CSGALNACT1: variants seen among roughly 807,000 people sequenced by gnomAD.
The protein encoded by CSGALNACT1 is chondroitin sulfate N-acetylgalactosaminyltransferase 1.
Under a neutral mutation model 51.0 loss-of-function variants are expected in CSGALNACT1, and 52 were observed. That is an observed-to-expected ratio of 1.02 (90% CI 0.82 to 1.29). The LOEUF (loss-of-function observed/expected upper bound fraction) is 1.29. Among genes scored for constraint, CSGALNACT1 ranks in the 50% most tolerant of loss-of-function variants. CSGALNACT1 has a pLI of 0.00. For synonymous variants in CSGALNACT1, 341 were observed against 254.4 expected, an observed-to-expected ratio of 1.34 and a Z score of -3.24; for missense variants, 935 against 679.2, an observed-to-expected ratio of 1.38 and a Z score of -4.19.
exon 10 of CSGALNACT1, chr8:19,404,626 T>G (rs532782845): frequency 3.0e-6 from 1 of 334,010 alleles, no homozygotes. Context: ...ATATATATTT[T>G]TTTCTCCATT....
chr8:19,698,261 A>G (rs2061680945), intron 1 of CSGALNACT1, among the ~76,000 whole-genome samples: 1 of 152,214 alleles, frequency 6.6e-6, no homozygotes, highest in South Asian at 2.1e-4. Flanking sequence ...TGGCCCCAGA[A>G]CCAACGCTCT....
At chr8:19,525,299 C>T (rs907891900) in intron 3 of CSGALNACT1, among the ~76,000 whole-genome samples, 3 of 152,042 alleles carry the variant, frequency 2.0e-5, no homozygotes, top group Admixed American at 1.3e-4. Context: ...TTTGTTTCTA[C>T]TGGCACTAAA....
intron 1 of CSGALNACT1, among the ~76,000 whole-genome samples, chr8:19,609,297 G>A (rs2051847812): frequency 6.7e-6 from 1 of 149,268 alleles, no homozygotes; most frequent in Admixed American, 6.8e-5. Context: ...CATACAGAAT[G>A]TAAATGGATA....
intron 2 of CSGALNACT1, among the ~76,000 whole-genome samples, chr8:19,591,747 G>T (rs1369684431): frequency 6.7e-6 from 1 of 148,356 alleles, no homozygotes; most frequent in Non-Finnish European, 1.5e-5. Flanking sequence ...AACATAGTGA[G>T]ATTCCTCTCC....
chr8:19,564,947 G>C (rs1477475208), intron 3 of CSGALNACT1, among the ~76,000 whole-genome samples: 1 of 152,222 alleles, frequency 6.6e-6, no homozygotes, highest in African/African-American at 2.4e-5. Flanking sequence ...TGACAAGTGA[G>C]TGAACATATC....
At chr8:19,515,374 G>A (rs962433606) in intron 3 of CSGALNACT1, among the ~76,000 whole-genome samples, 2 of 152,202 alleles carry the variant, frequency 1.3e-5, no homozygotes, top group African/African-American at 4.8e-5. Flanking sequence ...TGCAGACTCA[G>A]AGGGCGTGTT....
At chr8:19,613,534 T>G (rs2052592912) in intron 1 of CSGALNACT1, among the ~76,000 whole-genome samples, 1 of 152,268 alleles carries the variant, frequency 6.6e-6, no homozygotes, top group South Asian at 2.1e-4. Flanking sequence ...TTCCATTGTT[T>G]TGCTAAAGCA....
At chr8:19,718,372 G>C (rs1245387934) in intron 1 of CSGALNACT1, among the ~76,000 whole-genome samples, 1 of 152,050 alleles carries the variant, frequency 6.6e-6, no homozygotes, top group East Asian at 1.9e-4. Flanking sequence ...AAAGTGCTGA[G>C]TTTACAGGCG....
intron 3 of CSGALNACT1, among the ~76,000 whole-genome samples, chr8:19,555,387 G>C (rs2089467223): frequency 6.6e-6 from 1 of 152,116 alleles, no homozygotes; most frequent in South Asian, 2.1e-4. Flanking sequence ...AGGCGAAGGA[G>C]GTAGAGTTTG....
intron 1 of CSGALNACT1, among the ~76,000 whole-genome samples, chr8:19,674,944 T>C (rs959911919): frequency 6.6e-6 from 1 of 152,128 alleles, no homozygotes; most frequent in Admixed American, 6.5e-5. Flanking sequence ...GCATTGCCCA[T>C]CTTGAAGTCG....
chr8:19,457,152 G>A (rs1296746500), intron 5 of CSGALNACT1, among the ~76,000 whole-genome samples: 2 of 152,174 alleles, frequency 1.3e-5, no homozygotes, highest in Non-Finnish European at 2.9e-5. Flanking sequence ...TAGACCAGAT[G>A]ACCTCAAAGG....
chr8:19,413,672 A>G (rs1424985673), intron 8 of CSGALNACT1, among the ~76,000 whole-genome samples: 2 of 152,230 alleles, frequency 1.3e-5, no homozygotes, highest in Non-Finnish European at 1.5e-5. Context: ...GTGACCAGAG[A>G]GAGGGCAAGG....
intron 3 of CSGALNACT1, among the ~76,000 whole-genome samples, chr8:19,568,008 T>C (rs1383369116): frequency 2.0e-5 from 3 of 151,684 alleles, no homozygotes; most frequent in Non-Finnish European, 4.4e-5. Context: ...GGTATGTATA[T>C]ATGTTTTAGT....
chr8:19,640,062 C>T (rs563874174), intron 1 of CSGALNACT1, among the ~76,000 whole-genome samples: 23 of 151,828 alleles, frequency 1.5e-4, no homozygotes, highest in Non-Finnish European at 2.5e-4. Context: ...GCTCAGTAAA[C>T]GATCCCACCT....
chr8:19,743,324 C>G lies in CSGALNACT1; in HGVS notation c.-297+14526G>C, dbSNP rs570066594. On this transcript the variant is annotated intron_variant, in intron 1 of 1. Transcript: ENST00000517494. ...GTCCTATTCCTAATGTGGTTCATGA[C>G]AGTCAGCCCAGATTACATGTGTATG... Among the ~76,000 whole-genome samples, 19 of 152,278 alleles carry G rather than the reference C, an allele frequency of 1.2e-4. No individual in the cohort carries two copies. In the South Asian group the frequency reaches 3.9e-3, roughly 32 times the overall value.
At chr8:19,583,235 C>T (rs188212702) in intron 3 of CSGALNACT1, among the ~76,000 whole-genome samples, 6 of 152,052 alleles carry the variant, frequency 3.9e-5, no homozygotes, top group Non-Finnish European at 8.8e-5. Flanking sequence ...GAGTTCCAAG[C>T]CATTGCTACA....
At chr8:19,651,805 G>A (rs899571468) in intron 1 of CSGALNACT1, among the ~76,000 whole-genome samples, 2 of 152,136 alleles carry the variant, frequency 1.3e-5, no homozygotes, top group Non-Finnish European at 2.9e-5. Flanking sequence ...GGGTTAAATA[G>A]TGTTTTGAAG....
chr8:19,509,676 G>A (rs1004235689), intron 3 of CSGALNACT1, among the ~76,000 whole-genome samples: 1 of 148,170 alleles, frequency 6.7e-6, no homozygotes, highest in Non-Finnish European at 1.5e-5. Context: ...GCCACCTTCA[G>A]GAAAAAAACA....
chr8:19,432,906 C>G (rs1440784221), intron 6 of CSGALNACT1, among the ~76,000 whole-genome samples: 3 of 151,750 alleles, frequency 2.0e-5, no homozygotes, highest in Admixed American at 1.3e-4. Context: ...AAATTTTTGT[C>G]TATTAAGTCA....
Sources: gnomAD v4.1 joint callset for allele counts (sites outside exome capture counted in the v4.1 genomes callset) on GRCh38, gnomAD v4.1.1 for gene constraint, MANE v1.5 for transcripts, NCBI Gene and HGNC (gene_info 2026-07-23, HGNC 2026-07-21) for gene names.